The following DOP1A variants were observed in gnomAD, a reference collection of about 807,000 sequenced individuals.
The protein encoded by DOP1A is protein DOP1A.
In DOP1A, 90 loss-of-function variants were observed where a neutral mutation model predicts 267.6. That is an observed-to-expected ratio of 0.34 (90% CI 0.28 to 0.40). DOP1A has a LOEUF of 0.40. Ranked by LOEUF, DOP1A falls within the 10% of genes least tolerant of loss-of-function variation. The pLI, the probability that DOP1A is intolerant of heterozygous loss-of-function variation, is 1.00. For missense variants in DOP1A, 2,437 were observed against 2,900.4 expected, an observed-to-expected ratio of 0.84 and a Z score of 3.67; for synonymous variants, 932 against 999.1, an observed-to-expected ratio of 0.93 and a Z score of 1.27.
chr6:83,165,834 G>A, intron 38 of DOP1A: 1 of 326,206 alleles, frequency 3.1e-6, no homozygotes, highest in Non-Finnish European at 6.1e-6. Context: ...AATGCCGGCT[G>A]CAGGCATTGC....
chr6:83,081,164 C>T (rs544008109), intron 1 of DOP1A, among the ~76,000 whole-genome samples: 2 of 152,230 alleles, frequency 1.3e-5, no homozygotes, highest in East Asian at 1.9e-4. Context: ...CTCTGTTGCC[C>T]GGGCTGGGGT....
intron 8 of DOP1A, 120 bp from the exon 9 acceptor site, chr6:83,119,628 G>T (rs989995032): frequency 3.0e-6 from 2 of 671,652 alleles, no homozygotes; most frequent in African/African-American, 3.7e-5. Context: ...TGCTGACATT[G>T]AATGGGCTAC....
chr6:83,092,357 C>G (rs2128101746), intron 1 of DOP1A, among the ~76,000 whole-genome samples: 1 of 152,290 alleles, frequency 6.6e-6, no homozygotes, highest in East Asian at 1.9e-4. Context: ...TTCCTGCTCT[C>G]AAAGAACTTT....
intron 1 of DOP1A, among the ~76,000 whole-genome samples, chr6:83,071,805 G>T (rs764255431): frequency 1.3e-5 from 2 of 152,100 alleles, no homozygotes; most frequent in Non-Finnish European, 2.9e-5. Context: ...TGTTACTGAT[G>T]TTACATCCTA....
chr6:83,120,969 C>T (rs553482422), intron 10 of DOP1A, among the ~76,000 whole-genome samples, 178 bp downstream of exon 10: 1 of 151,828 alleles, frequency 6.6e-6, no homozygotes, highest in Non-Finnish European at 1.5e-5. Flanking sequence ...CCACCTGATA[C>T]GTTATTATGT....
At position 83,113,364 on chromosome 6, in the gene DOP1A, T is replaced by G; in HGVS notation, c.723T>G (p.Leu241=). The change falls in exon 7 of 39, where the codon CTT becomes CTG. Residue 241 remains leucine, a synonymous_variant. Coordinates refer to ENST00000349129, the MANE Select transcript of DOP1A (RefSeq NM_015018.4). The part of the protein sequence containing the change: ...VSTSVQDSSV[L]VQRSTLDLIL... ...CTTCAGTGCAGGACTCAAGTGTACT[T>G]GTACAGAGAAGCACACTGGACCTCA... 1 of 1,613,840 alleles carries G rather than the reference T, an allele frequency of 6.2e-7. No homozygotes were observed. The highest frequency in any genetic ancestry group is 8.5e-7 in the Non-Finnish European group (1 of 1,179,846).
Position 83,159,714 on chromosome 6 carries a change from T to A in DOP1A, c.6798-82T>A, listed in dbSNP as rs59285083. The A allele has an allele frequency of 4.7e-4, 691 of 1,477,422 alleles. 6 individuals carry two copies. The African/African-American group carries it at 6.6e-3, about 14-fold the overall frequency. 91.5% of individuals were successfully genotyped at this position (1,477,422 alleles called of 1,614,324 possible). ...TATCTCAGGATGATTATGAAAAATA[T>A]TAGCTGGTACTTTTAGATCTTTCCA... On this transcript the variant is annotated intron_variant, in intron 36 of 38. Coordinates refer to ENST00000349129, the MANE Select transcript of DOP1A (RefSeq NM_015018.4).
chr6:83,125,598 A>G lies in DOP1A; in HGVS notation c.1584A>G (p.Glu528=). The G allele has an allele frequency of 6.2e-7, 1 of 1,613,822 alleles. No homozygotes were observed. The highest frequency in any genetic ancestry group is 8.5e-7 in the Non-Finnish European group (1 of 1,179,802). ...ATCTCCAGACATTGCACTTATCTGAACTCACAGATTCTCTCAGACTCTGCT... is the reference window on the plus strand; with the variant it reads ...ATCTCCAGACATTGCACTTATCTGAGCTCACAGATTCTCTCAGACTCTGCT... ...TSHLQTLHLS[E]LTDSLRLCSK... is the part of the protein sequence containing the mutation. Residue 528 remains glutamate, a synonymous_variant, in exon 15 of 39, where the codon GAA becomes GAG. Transcript: ENST00000349129.
intron 11 of DOP1A, 143 bp from the exon 12 acceptor site, chr6:83,122,720 T>A: frequency 1.8e-6 from 1 of 545,534 alleles, no homozygotes; most frequent in Non-Finnish European, 2.9e-6. Flanking sequence ...TGGCAGTAGA[T>A]AAAAATTATT....
intron 38 of DOP1A, chr6:83,164,885 C>T: frequency 1.7e-6 from 1 of 587,262 alleles, no homozygotes; most frequent in South Asian, 2.2e-5. Context: ...TGTATGGAAA[C>T]ATTTGACTTT....
intron 21 of DOP1A, 107 bp downstream of exon 21, chr6:83,139,269 G>T: frequency 2.3e-6 from 2 of 866,730 alleles, no homozygotes; most frequent in Non-Finnish European, 1.8e-6. Context: ...AATGGTTTTT[G>T]GTAGGTTACA....
At chr6:83,121,050 A>C (rs1399863252) in intron 10 of DOP1A, among the ~76,000 whole-genome samples, 1 of 151,782 alleles carries the variant, frequency 6.6e-6, no homozygotes, top group Non-Finnish European at 1.5e-5. Flanking sequence ...CTTAATCCTG[A>C]TTGTATTACT....
intron 1 of DOP1A, among the ~76,000 whole-genome samples, chr6:83,087,420 CAAAA>C (rs1038663884): frequency 1.3e-5 from 2 of 150,136 alleles, no homozygotes; most frequent in East Asian, 3.9e-4. Context: ...AGGCTGAAAA[CAAAA>C]AAAAACATGT....
intron 1 of DOP1A, among the ~76,000 whole-genome samples, chr6:83,075,699 G>T (rs781261727): frequency 6.6e-6 from 1 of 152,134 alleles, no homozygotes. Context: ...TAGTTTATAC[G>T]GTCCAACAGT....
At chr6:83,136,052 C>T (rs1263774484) in intron 20 of DOP1A, among the ~76,000 whole-genome samples, 174 bp downstream of exon 20, 4 of 152,120 alleles carry the variant, frequency 2.6e-5, no homozygotes, top group Non-Finnish European at 5.9e-5. Flanking sequence ...TGTACTTTGT[C>T]AATGACCATC....
intron 38 of DOP1A, chr6:83,167,493 T>C: frequency 2.0e-6 from 2 of 1,002,172 alleles, no homozygotes; most frequent in Non-Finnish European, 2.4e-6. Flanking sequence ...GTAGTAATTT[T>C]GTGACCTAGT....
At chr6:83,105,516 T>C (rs9350977) in intron 4 of DOP1A, among the ~76,000 whole-genome samples, 117,282 of 151,620 alleles carry the variant, frequency 0.77, 45,441 homozygotes, top group Middle Eastern at 0.83. Flanking sequence ...AGGCACATGC[T>C]ACCATACCCA....
chr6:83,158,528 T>C, intron 35 of DOP1A, 39 bp from the exon 36 acceptor site: 5 of 1,442,810 alleles, frequency 3.5e-6, no homozygotes, highest in Non-Finnish European at 3.9e-6. Flanking sequence ...GGATTAAATA[T>C]CCAGTTTAAA....
chr6:83,070,605 C>T (rs184037185), intron 1 of DOP1A, among the ~76,000 whole-genome samples: 1 of 152,196 alleles, frequency 6.6e-6, no homozygotes, highest in African/African-American at 2.4e-5. Flanking sequence ...TGAGAATGTT[C>T]TTCTGTTTCT....
Sources: allele counts gnomAD v4.1 joint callset (sites outside exome capture counted in the v4.1 genomes callset), GRCh38; gene constraint gnomAD v4.1.1; transcripts MANE v1.5; gene names NCBI Gene and HGNC (gene_info 2026-07-23, HGNC 2026-07-21).